The following PTPRN2 variants were observed in gnomAD, a reference collection of about 807,000 sequenced individuals.
PTPRN2 encodes the protein receptor-type tyrosine-protein phosphatase N2.
PTPRN2 carries 74 observed loss-of-function variants against 118.8 expected under a neutral mutation model. The observed-to-expected ratio is 0.62, with a 90% CI of 0.52 to 0.76. The LOEUF (loss-of-function observed/expected upper bound fraction) is 0.76, where lower values mean the gene tolerates loss of function less well. Ranked by LOEUF, PTPRN2 falls within the 30% of genes least tolerant of loss-of-function variation. PTPRN2 has a pLI of 0.00. For synonymous variants in PTPRN2, 641 were observed against 608.0 expected, an observed-to-expected ratio of 1.05 and a Z score of -0.80; for missense variants, 1,481 against 1,394.4, an observed-to-expected ratio of 1.06 and a Z score of -0.99.
At chr7:157,592,386 A>T (rs11769121) in intron 17 of PTPRN2, among the ~76,000 whole-genome samples, 7,331 of 152,294 alleles carry the variant, frequency 0.048, 322 homozygotes, top group East Asian at 0.19. Context: ...TTCATGTAGG[A>T]CCCAGCACCT....
At chr7:158,559,109 C>T (rs1402743375) in intron 1 of PTPRN2, among the ~76,000 whole-genome samples, 1 of 152,172 alleles carries the variant, frequency 6.6e-6, no homozygotes, top group Non-Finnish European at 1.5e-5. Context: ...TCCCGGAGCC[C>T]CCAGCAGGAA....
At chr7:157,866,607 T>A (rs1010953751) in intron 12 of PTPRN2, among the ~76,000 whole-genome samples, 1 of 152,038 alleles carries the variant, frequency 6.6e-6, no homozygotes, top group Non-Finnish European at 1.5e-5. Flanking sequence ...CTGAGGCTGG[T>A]GTGCATTCTC....
intron 12 of PTPRN2, among the ~76,000 whole-genome samples, chr7:157,714,178 T>C (rs918079248): frequency 6.6e-6 from 1 of 152,222 alleles, no homozygotes; most frequent in Admixed American, 6.5e-5. Context: ...GTTAGAAGGC[T>C]ATGAAAAATT....
At chr7:158,511,292 CT>C (rs554670126) in intron 1 of PTPRN2, among the ~76,000 whole-genome samples, 304 of 152,276 alleles carry the variant, frequency 2.0e-3, no homozygotes, top group Non-Finnish European at 3.6e-3. Context: ...GTTTTACCCC[CT>C]ATCCTGGGTC....
chr7:157,896,762 A>G (rs1797154856), intron 12 of PTPRN2, among the ~76,000 whole-genome samples: 1 of 152,230 alleles, frequency 6.6e-6, no homozygotes, highest in African/African-American at 2.4e-5. Flanking sequence ...GGCACATGGC[A>G]GAAGCCACTT....
chr7:158,346,230 G>C (rs1807502540), intron 2 of PTPRN2, among the ~76,000 whole-genome samples: 1 of 152,174 alleles, frequency 6.6e-6, no homozygotes, highest in African/African-American at 2.4e-5. Context: ...TCATCACACT[G>C]TACAATCGAA....
At chr7:157,648,522 TCGG>T (rs2150715683) in intron 14 of PTPRN2, among the ~76,000 whole-genome samples, 5 of 134,010 alleles carry the variant, frequency 3.7e-5, no homozygotes, top group Non-Finnish European at 6.3e-5. Context: ...TGCACTGAAC[TCGG>T]TGGGTCAGAC....
At chr7:158,308,850 T>A (rs1801490063) in intron 3 of PTPRN2, among the ~76,000 whole-genome samples, 1 of 152,078 alleles carries the variant, frequency 6.6e-6, no homozygotes, top group African/African-American at 2.4e-5. Flanking sequence ...CTATAAGTAA[T>A]CATATGCCAA....
At chr7:158,154,111 G>A (rs1821474913) in intron 6 of PTPRN2, among the ~76,000 whole-genome samples, 2 of 152,302 alleles carry the variant, frequency 1.3e-5, no homozygotes, top group South Asian at 4.1e-4. Context: ...GTGCAGGTGG[G>A]ATGAGAGTCC....
rs532306867 is a variant in PTPRN2, at chr7:157,594,963, T to G, written c.2496+275A>C. ...AACATGGAATGACTTACTAACTTTA[T>G]CCTCGCTGTTTTATAAAATGCAAAT... On this transcript the variant is annotated intron_variant, in intron 17 of 22. Transcript: ENST00000389418. Among the ~76,000 whole-genome samples, 26 of 152,310 alleles carry G rather than the reference T, an allele frequency of 1.7e-4. No individual in the cohort carries two copies. The South Asian group carries it at 5.4e-3, about 32-fold the overall frequency.
At chr7:157,700,616 A>G (rs988940409) in intron 12 of PTPRN2, among the ~76,000 whole-genome samples, 2 of 151,824 alleles carry the variant, frequency 1.3e-5, no homozygotes, top group African/African-American at 4.8e-5. Context: ...CCCTCCATCC[A>G]CCACCCTCAG....
At position 157,674,236 on chromosome 7, in the gene PTPRN2, T is replaced by C. The variant is rs1180560527; in HGVS notation, c.2001+8489A>G. 6.6e-6 allele frequency among the ~76,000 whole-genome samples: 1 copy of C among 152,086 alleles called. No individual in the cohort carries two copies. On this transcript the variant is annotated intron_variant, in intron 13 of 22. Transcript: ENST00000389418. This position sits in a 1 kb window ranked among gnomAD's most constrained non-coding sequence, Gnocchi z 4.5. ...GGAGAGCTCCGGGCCGAAGGGGACTTGGGCCTGGGAGAGAAGAGACAGCCA... is the reference window on the plus strand; with the variant it reads ...GGAGAGCTCCGGGCCGAAGGGGACTCGGGCCTGGGAGAGAAGAGACAGCCA...
At chr7:157,667,311 G>A (rs1202310121) in intron 13 of PTPRN2, among the ~76,000 whole-genome samples, 1 of 147,858 alleles carries the variant, frequency 6.8e-6, no homozygotes, top group Non-Finnish European at 1.5e-5. Flanking sequence ...GGTGCAACGA[G>A]TACACAGCCT....
chr7:158,220,791 T>C (rs983254529), intron 3 of PTPRN2, among the ~76,000 whole-genome samples: 1 of 151,506 alleles, frequency 6.6e-6, no homozygotes, highest in African/African-American at 2.4e-5. Flanking sequence ...CCCAAAGCAA[T>C]TTACAGACTC....
intron 1 of PTPRN2, among the ~76,000 whole-genome samples, chr7:158,575,578 C>A (rs1828278556): frequency 6.6e-6 from 1 of 152,190 alleles, no homozygotes; most frequent in African/African-American, 2.4e-5. Flanking sequence ...GTTGCCCAGG[C>A]TGGTCTCAAA....
intron 4 of PTPRN2, among the ~76,000 whole-genome samples, chr7:158,195,120 A>C (rs182075698): frequency 6.6e-6 from 1 of 152,326 alleles, no homozygotes; most frequent in East Asian, 1.9e-4. Context: ...AGCCCTGGTC[A>C]TGGAGCTCTG....
At chr7:158,260,512 C>T (rs1797326247) in intron 3 of PTPRN2, among the ~76,000 whole-genome samples, 1 of 152,184 alleles carries the variant, frequency 6.6e-6, no homozygotes, top group Non-Finnish European at 1.5e-5. Flanking sequence ...GAAAAAGAGT[C>T]TATTTGAATA....
intron 11 of PTPRN2, among the ~76,000 whole-genome samples, chr7:157,989,783 T>C (rs1228622213): frequency 6.6e-6 from 1 of 152,014 alleles, no homozygotes; most frequent in Non-Finnish European, 1.5e-5. Flanking sequence ...GGGGCTCAGG[T>C]AACTCAAGGG....
At chr7:158,230,156 A>G (rs1157283515) in intron 3 of PTPRN2, among the ~76,000 whole-genome samples, 3 of 152,242 alleles carry the variant, frequency 2.0e-5, no homozygotes, top group African/African-American at 7.2e-5. Flanking sequence ...TATCCAGCAA[A>G]GCATTCCTTC....
Sources: gnomAD v4.1 joint callset for allele counts (sites outside exome capture counted in the v4.1 genomes callset) on GRCh38, gnomAD v4.1.1 for gene constraint, Gnocchi (gnomAD v3.1) non-coding constraint, MANE v1.5 for transcripts, NCBI Gene and HGNC (gene_info 2026-07-23, HGNC 2026-07-21) for gene names.